Variants in TECRL observed in about 807,000 individuals in gnomAD.
TECRL encodes the protein trans-2,3-enoyl-CoA reductase like.
A neutral mutation model predicts 52.8 loss-of-function variants in TECRL; 63 were observed. The ratio of observed to expected loss-of-function variants is 1.19; its 90% CI spans 0.97 to 1.47. TECRL has a LOEUF of 1.47. Ranked by LOEUF, TECRL falls within the 40% of genes most tolerant of loss-of-function variation. The pLI is 0.00. For missense variants in TECRL, 482 were observed against 429.6 expected (o/e 1.12, Z -1.08); for synonymous variants, 164 against 141.9 (o/e 1.16, Z -1.10).
At chr4:64,364,860 A>AT (rs35653881) in intron 2 of TECRL, among the ~76,000 whole-genome samples, 100,834 of 142,486 alleles carry the variant, frequency 0.71, 34,615 homozygotes, top group Non-Finnish European at 0.78. Context: ...TACTAAAACT[A>AT]TTTTTTTTTC....
At chr4:64,341,569 C>A (rs1162456394) in intron 2 of TECRL, among the ~76,000 whole-genome samples, 1 of 152,006 alleles carries the variant, frequency 6.6e-6, no homozygotes, top group Non-Finnish European at 1.5e-5. Flanking sequence ...CACATCATTG[C>A]ACTCCAGCCT....
intron 2 of TECRL, among the ~76,000 whole-genome samples, chr4:64,330,782 A>G (rs188370940): frequency 1.3e-5 from 2 of 152,254 alleles, no homozygotes; most frequent in East Asian, 3.9e-4. Context: ...AGTTGTCAAG[A>G]AAAACAGAAT....
At chr4:64,283,894 A>G (rs1024637747) in intron 9 of TECRL, among the ~76,000 whole-genome samples, 2 of 152,108 alleles carry the variant, frequency 1.3e-5, no homozygotes, top group East Asian at 3.9e-4. Context: ...CTACACTGCA[A>G]GAATACCCCC....
chr4:64,386,943 C>T (rs184162158), intron 1 of TECRL, among the ~76,000 whole-genome samples: 4 of 152,230 alleles, frequency 2.6e-5, no homozygotes, highest in Admixed American at 2.6e-4. Flanking sequence ...TCATAATCCC[C>T]ACAGTCCACA....
chr4:64,320,335 T>G (rs1717814648), intron 4 of TECRL, among the ~76,000 whole-genome samples: 1 of 151,950 alleles, frequency 6.6e-6, no homozygotes, highest in Admixed American at 6.6e-5. Flanking sequence ...AATTTTCATA[T>G]TTTTCAATGA....
Position 64,324,771 on chromosome 4 carries a change from C to CAT in TECRL, c.332-1981_332-1980dup, listed in dbSNP as rs150022809. Among the ~76,000 whole-genome samples the CAT allele has an allele frequency of 3.9e-3, 588 of 152,056 alleles. 2 individuals carry two copies. The highest frequency in any genetic ancestry group is 0.013 in the African/African-American group (549 of 41,500). On this transcript the variant is annotated intron_variant, in intron 3 of 11. Transcript: ENST00000381210. The stretch of plus-strand genomic sequence containing the variant: ...TTGATTACTATTTGTAAAATACATA[C>CAT]ATATATATACATATATAATTACATA...
intron 8 of TECRL, among the ~76,000 whole-genome samples, chr4:64,290,849 A>C (rs544341241): frequency 6.6e-6 from 1 of 152,260 alleles, no homozygotes; most frequent in African/African-American, 2.4e-5. Context: ...TAATGTAAAC[A>C]AATACACCAA....
At chr4:64,369,032 CT>C (rs1341929553) in intron 2 of TECRL, among the ~76,000 whole-genome samples, 1 of 152,086 alleles carries the variant, frequency 6.6e-6, no homozygotes, top group Non-Finnish European at 1.5e-5. Flanking sequence ...CCCCATGGTT[CT>C]TTCTGGGAAC....
intron 1 of TECRL, among the ~76,000 whole-genome samples, chr4:64,398,822 T>A (rs9992554): frequency 0.64 from 97,339 of 151,940 alleles, 32,468 homozygotes; most frequent in Non-Finnish European, 0.74. Context: ...AAAGACTGAT[T>A]AAATGATTGG....
Position 64,409,262 on chromosome 4 carries a change from C to G in TECRL, c.90G>C (p.Met30Ile), listed in dbSNP as rs1056139699. 1.2e-6 allele frequency: 2 copies of G among 1,611,332 alleles called. No homozygotes were observed. Among genetic ancestry groups the G allele is most frequent in the African/African-American group, 1.3e-5 (1 of 74,890 alleles). The part of the protein sequence containing the change: ...RATRFILKDD[M>I]RNFHFLSKLV... ...GTTTTGACAAAAAGTGAAAATTTCT[C>G]ATATCATCCTTCAGTATGAACCGTG... The change falls in exon 1 of 12, where the codon ATG becomes ATC. Residue 30 changes from methionine (M) to isoleucine (I), a missense_variant. Transcript: ENST00000381210.
rs1253517369 is a variant in TECRL, at chr4:64,409,212, C to A, written c.140G>T (p.Arg47Ile). The stretch of plus-strand genomic sequence containing the variant: ...TGAATGTTTGACTGCTGGAGTTGGT[C>A]TTAGAGGGCCCGCTGAGAGTACAAG... ...SKLVLSAGPL[R>I]PTPAVKHSKT... Residue 47 changes from arginine (R) to isoleucine (I), a missense_variant, in exon 1 of 12, where the codon AGA becomes ATA. Arg to Ile is a moderately conservative substitution (Grantham distance 97, BLOSUM62 -3). Transcript: ENST00000381210. The A allele has an allele frequency of 6.4e-7, 1 of 1,560,472 alleles. No individual in the cohort carries two copies. Among genetic ancestry groups the A allele is most frequent in the Non-Finnish European group, 8.7e-7 (1 of 1,149,228 alleles).
chr4:64,325,925 C>A (rs558107140), intron 3 of TECRL, among the ~76,000 whole-genome samples: 1 of 152,144 alleles, frequency 6.6e-6, no homozygotes, highest in East Asian at 1.9e-4. Context: ...GAAAAAGGGA[C>A]CATTGTCCTT....
At chr4:64,343,171 C>T (rs577519694) in intron 2 of TECRL, among the ~76,000 whole-genome samples, 1 of 152,002 alleles carries the variant, frequency 6.6e-6, no homozygotes, top group Admixed American at 6.6e-5. Context: ...GGAAATTAGA[C>T]AAAATACATT....
intron 2 of TECRL, among the ~76,000 whole-genome samples, chr4:64,339,669 T>G (rs1719410013): frequency 6.6e-6 from 1 of 152,058 alleles, no homozygotes; most frequent in Non-Finnish European, 1.5e-5. Context: ...AGGTCCTTGA[T>G]CTACTCAAAT....
At chr4:64,372,434 T>G (rs1722039135) in intron 2 of TECRL, among the ~76,000 whole-genome samples, 1 of 151,714 alleles carries the variant, frequency 6.6e-6, no homozygotes, top group Admixed American at 6.6e-5. Context: ...ACATGAAGAG[T>G]GGTTTTCTCT....
chr4:64,354,634 CAGAG>C (rs1431801859), intron 2 of TECRL, among the ~76,000 whole-genome samples: 4 of 152,094 alleles, frequency 2.6e-5, no homozygotes. Flanking sequence ...GTTTTTATGA[CAGAG>C]AAAGAATAAG....
chr4:64,297,258 G>A (rs565782085), intron 8 of TECRL, among the ~76,000 whole-genome samples: 2 of 151,354 alleles, frequency 1.3e-5, no homozygotes, highest in East Asian at 1.9e-4. Flanking sequence ...ATGGGTAATC[G>A]AGAATTAACT....
chr4:64,322,362 G>A (rs993618318), intron 4 of TECRL, among the ~76,000 whole-genome samples: 2 of 151,046 alleles, frequency 1.3e-5, no homozygotes, highest in Admixed American at 6.6e-5. Flanking sequence ...ACCATCATTG[G>A]CTTTCTGTGC....
chr4:64,331,957 C>T (rs1718671175), intron 2 of TECRL, among the ~76,000 whole-genome samples: 1 of 152,148 alleles, frequency 6.6e-6, no homozygotes, highest in Admixed American at 6.5e-5. Flanking sequence ...ACTACATATT[C>T]CATCTCATCC....
Sources: allele counts gnomAD v4.1 joint callset (sites outside exome capture counted in the v4.1 genomes callset), GRCh38; gene constraint gnomAD v4.1.1; transcripts MANE v1.5; gene names NCBI Gene and HGNC (gene_info 2026-07-23, HGNC 2026-07-21).